Variants in PARD3B observed in about 807,000 individuals in gnomAD.
The protein encoded by PARD3B is par-3 family cell polarity regulator beta.
Under a neutral mutation model 130.2 loss-of-function variants are expected in PARD3B, and 103 were observed. That is an observed-to-expected ratio of 0.79 (90% CI 0.67 to 0.93). PARD3B has a LOEUF of 0.93. Ranked by LOEUF, PARD3B falls within the 40% of genes least tolerant of loss-of-function variation. The pLI is 0.00. For missense variants in PARD3B, 1,609 were observed against 1,499.2 expected, an observed-to-expected ratio of 1.07 and a Z score of -1.21; for synonymous variants, 583 against 553.2, an observed-to-expected ratio of 1.05 and a Z score of -0.76.
At chr2:205,130,675 G>A (rs760210868) in intron 10 of PARD3B, among the ~76,000 whole-genome samples, 1 of 152,052 alleles carries the variant, frequency 6.6e-6, no homozygotes, top group Non-Finnish European at 1.5e-5. Context: ...CCCCTGGTGG[G>A]TAAAATGAGC....
chr2:205,097,608 A>G (rs976553796), intron 4 of PARD3B, among the ~76,000 whole-genome samples: 1 of 152,186 alleles, frequency 6.6e-6, no homozygotes, highest in African/African-American at 2.4e-5. Flanking sequence ...GACTCACCCT[A>G]GACCTACTGC....
At chr2:204,792,002 TA>T (rs1328601902) in intron 2 of PARD3B, among the ~76,000 whole-genome samples, 50 of 152,234 alleles carry the variant, frequency 3.3e-4, no homozygotes, top group African/African-American at 1.2e-3. Flanking sequence ...AATTTATTTT[TA>T]TCACATTTAC....
chr2:204,927,072 T>C (rs1010397192), intron 2 of PARD3B, among the ~76,000 whole-genome samples: 3 of 152,122 alleles, frequency 2.0e-5, no homozygotes, highest in African/African-American at 7.2e-5. Context: ...TTTGAGTTTT[T>C]AATTAGTATT....
At chr2:204,875,081 G>A (rs558718372) in intron 2 of PARD3B, among the ~76,000 whole-genome samples, 11 of 152,082 alleles carry the variant, frequency 7.2e-5, no homozygotes, top group African/African-American at 2.7e-4. Flanking sequence ...GTTTAATCAA[G>A]GTTTTCAACA....
At chr2:205,148,806 A>G (rs2033549505) in intron 10 of PARD3B, among the ~76,000 whole-genome samples, 1 of 152,192 alleles carries the variant, frequency 6.6e-6, no homozygotes, top group East Asian at 1.9e-4. Context: ...TAATTCTTAC[A>G]TAAAGTAAGC....
intron 20 of PARD3B, among the ~76,000 whole-genome samples, chr2:205,472,780 G>A (rs557370172): frequency 1.3e-5 from 2 of 152,044 alleles, no homozygotes; most frequent in Admixed American, 6.6e-5. Context: ...AGAGGGAAAG[G>A]CAAGCTCTAG....
chr2:204,590,349 A>G (rs532079567), intron 1 of PARD3B, among the ~76,000 whole-genome samples: 3 of 152,326 alleles, frequency 2.0e-5, no homozygotes, highest in South Asian at 2.1e-4. Flanking sequence ...TGATTTCAAC[A>G]TATGAATTCT....
intron 2 of PARD3B, among the ~76,000 whole-genome samples, chr2:204,760,817 C>T (rs2040867718): frequency 6.6e-6 from 1 of 152,034 alleles, no homozygotes. Context: ...TTGCATTATC[C>T]ATCATTAATT....
chr2:205,094,962 A>G (rs1315154362), intron 4 of PARD3B, among the ~76,000 whole-genome samples: 2 of 152,176 alleles, frequency 1.3e-5, no homozygotes, highest in African/African-American at 2.4e-5. Flanking sequence ...GGAGTTACAA[A>G]TGAAGCCCTA....
intron 2 of PARD3B, among the ~76,000 whole-genome samples, chr2:204,745,154 G>A (rs755329128): frequency 3.9e-5 from 6 of 152,102 alleles, no homozygotes; most frequent in Non-Finnish European, 7.4e-5. Flanking sequence ...TTCCAGAATC[G>A]ATGATGTTGG....
intron 2 of PARD3B, among the ~76,000 whole-genome samples, chr2:204,703,066 G>A (rs923593975): frequency 1.3e-5 from 2 of 151,886 alleles, no homozygotes; most frequent in African/African-American, 2.4e-5. Context: ...TTATCTCATC[G>A]ATTATTTAAA....
intron 2 of PARD3B, among the ~76,000 whole-genome samples, chr2:204,712,570 C>A (rs1237743697): frequency 1.4e-5 from 2 of 145,710 alleles, no homozygotes; most frequent in African/African-American, 5.1e-5. Context: ...GCGGAGATCA[C>A]GCCACTGCAC....
chr2:205,285,188 G>A (rs1020140734), intron 16 of PARD3B, among the ~76,000 whole-genome samples: 1 of 152,048 alleles, frequency 6.6e-6, no homozygotes, highest in Non-Finnish European at 1.5e-5. Context: ...GTAAAAGGCA[G>A]GTAATGATAT....
chr2:204,883,594 T>C (rs1311243505), intron 2 of PARD3B, among the ~76,000 whole-genome samples: 1 of 149,332 alleles, frequency 6.7e-6, no homozygotes, highest in Non-Finnish European at 1.5e-5. Flanking sequence ...ACTACAGGTG[T>C]CCGCCACCAC....
intron 16 of PARD3B, among the ~76,000 whole-genome samples, chr2:205,273,493 C>T (rs1446642685): frequency 6.6e-6 from 1 of 152,184 alleles, no homozygotes; most frequent in East Asian, 1.9e-4. Context: ...CTTCCTTCAG[C>T]AAAAGTATAA....
intron 2 of PARD3B, among the ~76,000 whole-genome samples, chr2:204,750,818 G>A (rs896283240): frequency 3.2e-4 from 49 of 152,084 alleles, no homozygotes; most frequent in African/African-American, 1.2e-3. Context: ...TAAAGTGTGA[G>A]CACACATAAT....
intron 15 of PARD3B, among the ~76,000 whole-genome samples, chr2:205,240,805 T>C (rs1267947945): frequency 2.0e-5 from 3 of 152,164 alleles, no homozygotes; most frequent in Non-Finnish European, 4.4e-5. Flanking sequence ...AAGGGGATTG[T>C]TTTCCCCCAG....
chr2:205,184,466 G>A (rs555824396), intron 13 of PARD3B, among the ~76,000 whole-genome samples: 5 of 152,194 alleles, frequency 3.3e-5, no homozygotes, highest in South Asian at 4.2e-4. Context: ...AGTTTGGCCC[G>A]GCGCGGTGGC....
chr2:204,958,950 A>G (rs986773274), intron 2 of PARD3B, among the ~76,000 whole-genome samples: 1 of 152,100 alleles, frequency 6.6e-6, no homozygotes, highest in Non-Finnish European at 1.5e-5. Flanking sequence ...AAATTATCCA[A>G]AGTTCTTTTT....
Sources: allele counts gnomAD v4.1 joint callset (sites outside exome capture counted in the v4.1 genomes callset), GRCh38; gene constraint gnomAD v4.1.1; transcripts MANE v1.5; gene names NCBI Gene and HGNC (gene_info 2026-07-23, HGNC 2026-07-21).